The following ITIH5 variants were observed in gnomAD, a reference collection of about 807,000 sequenced individuals.
ITIH5 encodes the protein inter-alpha-trypsin inhibitor heavy chain H5.
Under a neutral mutation model 77.5 loss-of-function variants are expected in ITIH5, and 65 were observed. That is an observed-to-expected ratio of 0.84 (90% CI 0.69 to 1.03). ITIH5 has a LOEUF of 1.03. Ranked by LOEUF, ITIH5 falls within the 50% of genes least tolerant of loss-of-function variation. The pLI, the probability that ITIH5 is intolerant of heterozygous loss-of-function variation, is 0.00. For synonymous variants in ITIH5, 525 were observed against 494.3 expected, an observed-to-expected ratio of 1.06 and a Z score of -0.82; for missense variants, 1,208 against 1,213.1, an observed-to-expected ratio of 1.00 and a Z score of 0.06.
intron 5 of ITIH5, among the ~76,000 whole-genome samples, chr10:7,623,077 G>A (rs1384135967): frequency 6.6e-6 from 1 of 152,208 alleles, no homozygotes; most frequent in East Asian, 1.9e-4. Context: ...GCAGCCAACT[G>A]CTATGTAAAA....
chr10:7,597,733 C>A (rs5010830), intron 7 of ITIH5, among the ~76,000 whole-genome samples: 4 of 152,086 alleles, frequency 2.6e-5, no homozygotes, highest in Non-Finnish European at 5.9e-5. Context: ...TCCCCAGGCT[C>A]TGGGTGTCCA....
chr10:7,597,311 G>A (rs557533425), intron 7 of ITIH5, among the ~76,000 whole-genome samples: 6 of 152,248 alleles, frequency 3.9e-5, no homozygotes, highest in South Asian at 2.1e-4. Flanking sequence ...CAGGCAGGAG[G>A]TCCTCAGTGC....
chr10:7,640,827 C>T lies in ITIH5; in HGVS notation c.328G>A (p.Glu110Lys), dbSNP rs762195658. 8.1e-6 allele frequency: 13 copies of T among 1,613,008 alleles called. No homozygotes were observed. Among genetic ancestry groups the T allele is most frequent in the South Asian group, 6.6e-5 (6 of 91,060 alleles). Residue 110 changes from glutamate to lysine, a missense_variant, in exon 4 of 14, where the codon GAA (glutamate) becomes AAA (lysine). Coordinates refer to ENST00000397146, the MANE Select transcript of ITIH5 (RefSeq NM_030569.7). ...MLIGDKVYQG[E>K]ITEREKKSGD... ...CTCTTCTTTTCTCTCTCTGTAATTT[C>T]GCCCTGATACACCTTGTCTCCAATA...
At position 7,617,196 on chromosome 10, in the gene ITIH5, CTTG is replaced by C. The variant is rs766479004; in HGVS notation, c.736_738del (p.Gln246del). The C allele has an allele frequency of 5.0e-6, 8 of 1,607,218 alleles. No individual in the cohort carries two copies. The African/African-American group carries it at 9.4e-5, about 19-fold the overall frequency. On this transcript the variant is annotated inframe_deletion, in exon 6 of 14. Transcript: ENST00000397146. ...AAAATTCCATTCTGGGCAATCCTGG[CTTG>C]TTGTACTACAGTAGGTTTAAAAATT...
intron 5 of ITIH5, chr10:7,618,548 T>C (rs1228898390): frequency 6.6e-6 from 1 of 152,224 alleles, no homozygotes; most frequent in Admixed American, 6.5e-5. Flanking sequence ...GAGGTCTGCA[T>C]GCACCCTGGA....
intron 1 of ITIH5, among the ~76,000 whole-genome samples, chr10:7,659,980 A>C (rs1834250011): frequency 1.3e-5 from 2 of 152,316 alleles, no homozygotes; most frequent in Non-Finnish European, 2.9e-5. Context: ...TCCCAGCTTC[A>C]GGCAAAACTA....
intron 7 of ITIH5, among the ~76,000 whole-genome samples, chr10:7,592,799 G>T (rs560155102): frequency 6.6e-6 from 1 of 152,134 alleles, no homozygotes; most frequent in Non-Finnish European, 1.5e-5. Flanking sequence ...CAGACCCTGC[G>T]CACTCACAGT....
intron 5 of ITIH5, among the ~76,000 whole-genome samples, chr10:7,634,219 G>T (rs115987753): frequency 6.6e-6 from 1 of 152,038 alleles, no homozygotes; most frequent in Non-Finnish European, 1.5e-5. Flanking sequence ...GTATTGGCTT[G>T]GACCTCATTC....
intron 7 of ITIH5, among the ~76,000 whole-genome samples, chr10:7,604,271 G>T (rs1833077984): frequency 6.6e-6 from 1 of 152,126 alleles, no homozygotes; most frequent in Non-Finnish European, 1.5e-5. Flanking sequence ...GTGGGTGGAG[G>T]TTTCCTCTGC....
In ITIH5 at chr10:7,562,936, AC is replaced by A. The variant is rs1832065444; in HGVS notation, c.*146del. 1 of 662,010 alleles carries A rather than the reference AC, an allele frequency of 1.5e-6. No individual in the cohort carries two copies. 41.0% of individuals were successfully genotyped at this position (662,010 alleles called of 1,614,324 possible). ...CCACCCCTACCCTTCGCCCAGACAG[AC>A]GTCGGATCTATGCTGCACCAGGGGT... is the stretch of plus-strand genomic sequence containing the variant. On this transcript the variant is annotated 3_prime_UTR_variant, in exon 14 of 14. Coordinates refer to ENST00000397146, the MANE Select transcript of ITIH5 (RefSeq NM_030569.7).
chr10:7,658,927 C>G (rs548339789), intron 1 of ITIH5, among the ~76,000 whole-genome samples: 83 of 152,256 alleles, frequency 5.5e-4, no homozygotes, highest in African/African-American at 2.0e-3. Flanking sequence ...TCCCAGACCC[C>G]CACTTCCCGT....
chr10:7,577,223 C>T (rs746127871), intron 9 of ITIH5, among the ~76,000 whole-genome samples: 3 of 152,116 alleles, frequency 2.0e-5, no homozygotes, highest in Non-Finnish European at 2.9e-5. Flanking sequence ...TTCTCTCACG[C>T]GGCTTCTGAG....
chr10:7,659,469 T>C (rs752006530), intron 1 of ITIH5, among the ~76,000 whole-genome samples: 9 of 152,190 alleles, frequency 5.9e-5, no homozygotes, highest in Non-Finnish European at 8.8e-5. Context: ...AAGGCCATCA[T>C]AGGGACCCTG....
At chr10:7,640,020 TAGG>T (rs917915701) in intron 4 of ITIH5, among the ~76,000 whole-genome samples, 10 of 151,948 alleles carry the variant, frequency 6.6e-5, no homozygotes, top group African/African-American at 2.2e-4. Flanking sequence ...AGAGTAAAAG[TAGG>T]AGTATTGTTA....
At chr10:7,576,363 C>T in intron 10 of ITIH5, 90 bp downstream of exon 10, 5 of 1,159,422 alleles carry the variant, frequency 4.3e-6, no homozygotes, top group Non-Finnish European at 5.9e-6. Flanking sequence ...GATGGAATAA[C>T]ACAGCTTCCT....
At chr10:7,568,832 A>T (rs1490179292) in intron 12 of ITIH5, among the ~76,000 whole-genome samples, 3 of 152,202 alleles carry the variant, frequency 2.0e-5, no homozygotes, top group South Asian at 2.1e-4. Context: ...TTGTCCATAC[A>T]TGTTCACGGC....
intron 10 of ITIH5, among the ~76,000 whole-genome samples, chr10:7,573,866 G>A (rs1202454546): frequency 6.6e-6 from 1 of 152,080 alleles, no homozygotes; most frequent in East Asian, 1.9e-4. Context: ...GAAATGAGCT[G>A]TTGTTCAGTG....
Position 7,637,176 on chromosome 10 carries a change from C to CAGCT in ITIH5, c.652+48_652+51dup, listed in dbSNP as rs1382134110. On this transcript the variant is annotated intron_variant, in intron 5 of 13. Transcript: ENST00000397146. Reference sequence around the variant, plus strand: ...TGCAGATTTCTCCGAAGCCAAGGACCAGCTGGGTGTTTTCACCACAGATCT... The same window carrying CAGCT: ...TGCAGATTTCTCCGAAGCCAAGGACCAGCTAGCTGGGTGTTTTCACCACAGATCT... The CAGCT allele has an allele frequency of 1.9e-6, 3 of 1,566,456 alleles. No homozygotes were observed. In the East Asian group the frequency reaches 6.8e-5, roughly 35 times the overall value.
In ITIH5 at chr10:7,637,381, G is replaced by C. The variant is rs1171968752; in HGVS notation, c.499C>G (p.Leu167Val). Residue 167 changes from leucine to valine, a missense_variant, in exon 5 of 14, where the codon CTG (leucine) becomes GTG (valine). Coordinates refer to ENST00000397146, the MANE Select transcript of ITIH5 (RefSeq NM_030569.7). ...CTGATGCTGTGCTCGTACTTGCCCA[G>C]GCGCCTCTGCAGAAGCTCCTCATAA... ...LSYEELLQRR[L>V]GKYEHSISVR... is the part of the protein sequence containing the mutation. 1.9e-6 allele frequency: 3 copies of C among 1,614,238 alleles called. No homozygotes were observed. Among genetic ancestry groups the C allele is most frequent in the Non-Finnish European group, 2.5e-6 (3 of 1,180,042 alleles).
Sources: gnomAD v4.1 joint callset for allele counts (sites outside exome capture counted in the v4.1 genomes callset) on GRCh38, gnomAD v4.1.1 for gene constraint, MANE v1.5 for transcripts, NCBI Gene and HGNC (gene_info 2026-07-23, HGNC 2026-07-21) for gene names.